The following IGSF21 variants were observed in gnomAD, a reference collection of about 807,000 sequenced individuals.
The protein encoded by IGSF21 is immunoglobin superfamily member 21.
A neutral mutation model predicts 46.8 loss-of-function variants in IGSF21; 28 were observed. The observed-to-expected ratio is 0.60, with a 90% CI of 0.44 to 0.82. The LOEUF (loss-of-function observed/expected upper bound fraction) is 0.82, where lower values mean the gene tolerates loss of function less well. Ranked by LOEUF, IGSF21 falls within the 40% of genes least tolerant of loss-of-function variation. The probability of loss-of-function intolerance (pLI) is 0.00; values close to 1 mark genes in which losing one functional copy is unlikely to be tolerated. For missense variants in IGSF21, 624 were observed against 665.5 expected, an observed-to-expected ratio of 0.94 and a Z score of 0.69; for synonymous variants, 284 against 273.6, an observed-to-expected ratio of 1.04 and a Z score of -0.38.
intron 4 of IGSF21, among the ~76,000 whole-genome samples, chr1:18,340,755 T>C (rs2085824322): frequency 3.3e-5 from 5 of 152,154 alleles, no homozygotes. Context: ...GCCTCTGGTG[T>C]TGCTGGCAAT....
intron 1 of IGSF21, chr1:18,112,402 A>G (rs545384463): frequency 6.6e-6 from 1 of 152,132 alleles, no homozygotes; most frequent in South Asian, 2.1e-4. Context: ...GGAAGGGGCT[A>G]TTATCTCTCT....
chr1:18,307,087 G>A (rs1312151295), intron 3 of IGSF21, among the ~76,000 whole-genome samples: 1 of 152,138 alleles, frequency 6.6e-6, no homozygotes, highest in Admixed American at 6.5e-5. Context: ...GTTTGGGGAG[G>A]CTCAGTTAAT....
chr1:18,275,057 C>T (rs765636206), intron 2 of IGSF21, among the ~76,000 whole-genome samples: 3 of 149,668 alleles, frequency 2.0e-5, no homozygotes, highest in Non-Finnish European at 4.4e-5. Flanking sequence ...AAAGAAGTGG[C>T]TACCTAAATT....
chr1:18,299,235 C>T (rs1220172769), intron 3 of IGSF21, among the ~76,000 whole-genome samples: 1 of 152,166 alleles, frequency 6.6e-6, no homozygotes, highest in Non-Finnish European at 1.5e-5. Flanking sequence ...TATGGGCAGA[C>T]AATGGCTTCT....
At chr1:18,110,749 C>T (rs1193325603) in intron 1 of IGSF21, 2 of 152,396 alleles carry the variant, frequency 1.3e-5, no homozygotes, top group Admixed American at 6.5e-5. Flanking sequence ...TGTCCTGGGG[C>T]GTTTTCAACT....
chr1:18,299,238 T>C (rs547392032), intron 3 of IGSF21, among the ~76,000 whole-genome samples: 2 of 152,304 alleles, frequency 1.3e-5, no homozygotes, highest in East Asian at 3.9e-4. Context: ...GGGCAGACAA[T>C]GGCTTCTAAG....
intron 1 of IGSF21, among the ~76,000 whole-genome samples, chr1:18,125,764 C>G (rs991075416): frequency 6.6e-6 from 1 of 152,106 alleles, no homozygotes; most frequent in Admixed American, 6.5e-5. Flanking sequence ...GAACAGATAA[C>G]GTAAGGAAGT....
Position 18,231,545 on chromosome 1 carries a change from T to C in IGSF21, c.183+3535T>C, listed in dbSNP as rs146779033. Among the ~76,000 whole-genome samples, 344 of 152,344 alleles carry C rather than the reference T, an allele frequency of 2.3e-3. 5 individuals are homozygous for C. The highest frequency in any genetic ancestry group is 7.9e-3 in the African/African-American group (329 of 41,584). On this transcript the variant is annotated intron_variant, in intron 2 of 9. Coordinates refer to ENST00000251296, the MANE Select transcript of IGSF21 (RefSeq NM_032880.5). Reference sequence around the variant, plus strand: ...AGACTCAAGGAAGTATGTGTAATCATAGCCCCTTGGTCTGGGTTGTCCAAT... The same window carrying C: ...AGACTCAAGGAAGTATGTGTAATCACAGCCCCTTGGTCTGGGTTGTCCAAT...
chr1:18,259,754 G>C (rs1397096480), intron 2 of IGSF21, among the ~76,000 whole-genome samples: 10 of 152,194 alleles, frequency 6.6e-5, no homozygotes, highest in Non-Finnish European at 4.4e-5. Context: ...CCAGTGGGTG[G>C]AGAGAACTTG....
chr1:18,345,052 C>T (rs1474874421), intron 4 of IGSF21, among the ~76,000 whole-genome samples: 1 of 152,144 alleles, frequency 6.6e-6, no homozygotes, highest in East Asian at 1.9e-4. Flanking sequence ...CCCAGAAACC[C>T]CCAGGGTCTG....
At chr1:18,328,644 C>T (rs2085682092) in intron 3 of IGSF21, among the ~76,000 whole-genome samples, 1 of 152,204 alleles carries the variant, frequency 6.6e-6, no homozygotes, top group Non-Finnish European at 1.5e-5. Flanking sequence ...GCACTCCCAG[C>T]ATGCCAGGCC....
chr1:18,217,118 A>G (rs1179941382), intron 1 of IGSF21, among the ~76,000 whole-genome samples: 1 of 152,106 alleles, frequency 6.6e-6, no homozygotes, highest in Non-Finnish European at 1.5e-5. Context: ...AGCTGCTGCC[A>G]ACCACCTGAC....
intron 1 of IGSF21, among the ~76,000 whole-genome samples, chr1:18,223,092 A>G (rs1050805285): frequency 2.6e-5 from 4 of 152,230 alleles, no homozygotes; most frequent in Non-Finnish European, 5.9e-5. Flanking sequence ...CTTGGATAAG[A>G]AGGGTGGAGC....
In IGSF21 at chr1:18,365,654, G is replaced by A. The variant is rs1294448062; in HGVS notation, c.972G>A (p.Lys324=). The part of the protein sequence containing the change: ...DNEALFSCEV[K]HPALSMPMQA... Reference sequence around the variant, plus strand: ...AGGCCCTCTTCAGCTGCGAGGTCAAGCACCCAGCTCTGTCGATGCCCATGC... The same window carrying A: ...AGGCCCTCTTCAGCTGCGAGGTCAAACACCCAGCTCTGTCGATGCCCATGC... Residue 324 remains lysine, a synonymous_variant, in exon 6 of 10, where the codon AAG becomes AAA. Transcript: ENST00000251296. The surrounding 1 kb of genome is among the most constrained non-coding windows in gnomAD (Gnocchi z 4.8). 6.2e-7 allele frequency: 1 copy of A among 1,614,176 alleles called. No homozygotes were observed. Among genetic ancestry groups the A allele is most frequent in the Non-Finnish European group, 8.5e-7 (1 of 1,180,014 alleles).
intron 3 of IGSF21, among the ~76,000 whole-genome samples, chr1:18,298,602 G>A (rs1383468561): frequency 6.6e-6 from 1 of 152,230 alleles, no homozygotes; most frequent in Non-Finnish European, 1.5e-5. Context: ...ACCTTTTGAT[G>A]TATGTTTATC....
At chr1:18,209,802 G>C (rs2084370830) in intron 1 of IGSF21, among the ~76,000 whole-genome samples, 1 of 152,038 alleles carries the variant, frequency 6.6e-6, no homozygotes, top group Admixed American at 6.5e-5. Context: ...AGTTGGTGGA[G>C]TGTGCCCTGC....
At chr1:18,298,370 C>A (rs754533133) in intron 3 of IGSF21, among the ~76,000 whole-genome samples, 1 of 152,174 alleles carries the variant, frequency 6.6e-6, no homozygotes, top group African/African-American at 2.4e-5. Context: ...TTTGAGGTAG[C>A]GTGTCCTGAA....
chr1:18,204,376 C>T (rs2087105543), intron 1 of IGSF21, among the ~76,000 whole-genome samples: 1 of 152,220 alleles, frequency 6.6e-6, no homozygotes, highest in African/African-American at 2.4e-5. Context: ...ATTGTTGCTG[C>T]TGTTAATTAT....
At chr1:18,315,710 G>A (rs2085535750) in intron 3 of IGSF21, among the ~76,000 whole-genome samples, 2 of 152,082 alleles carry the variant, frequency 1.3e-5, no homozygotes, top group African/African-American at 4.8e-5. Flanking sequence ...TGGATGGATG[G>A]TGGATAGGTG....
Sources: gnomAD v4.1 joint callset for allele counts (sites outside exome capture counted in the v4.1 genomes callset) on GRCh38, gnomAD v4.1.1 for gene constraint, Gnocchi (gnomAD v3.1) non-coding constraint, MANE v1.5 for transcripts, NCBI Gene and HGNC (gene_info 2026-07-23, HGNC 2026-07-21) for gene names.